The following CERS4 variants were observed in gnomAD, a reference collection of about 807,000 sequenced individuals.
The protein encoded by CERS4 is ceramide synthase 4.
In CERS4, 65 loss-of-function variants were observed where a neutral mutation model predicts 51.8. The ratio of observed to expected loss-of-function variants is 1.26; its 90% CI spans 1.03 to 1.54. The LOEUF is 1.54. Ranked by LOEUF, CERS4 falls within the 40% of genes most tolerant of loss-of-function variation. The pLI, the probability that CERS4 is intolerant of heterozygous loss-of-function variation, is 0.00. For synonymous variants in CERS4, 228 were observed against 208.4 expected, an observed-to-expected ratio of 1.09 and a Z score of -0.81; for missense variants, 563 against 500.4, an observed-to-expected ratio of 1.13 and a Z score of -1.19.
chr19:8,253,169 G>C (rs530453884), intron 3 of CERS4, among the ~76,000 whole-genome samples: 12 of 152,242 alleles, frequency 7.9e-5, no homozygotes, highest in African/African-American at 2.7e-4. Context: ...TGGTGTTGGC[G>C]CGCCCTCTTG....
At chr19:8,247,732 C>T (rs1200931279) in intron 2 of CERS4, among the ~76,000 whole-genome samples, 30 of 131,142 alleles carry the variant, frequency 2.3e-4, no homozygotes, top group Non-Finnish European at 3.5e-4. Context: ...ACCTCCGCAT[C>T]TTTTTTTTTT....
At chr19:8,232,889 ATT>A (rs34774744) in intron 2 of CERS4, among the ~76,000 whole-genome samples, 3,440 of 59,090 alleles carry the variant, frequency 0.058, 183 homozygotes, top group African/African-American at 0.18. Flanking sequence ...TGCCTCGCTG[ATT>A]TTTTTTTTTT....
At chr19:8,236,057 A>C (rs1464367367) in intron 2 of CERS4, among the ~76,000 whole-genome samples, 1 of 152,086 alleles carries the variant, frequency 6.6e-6, no homozygotes, top group African/African-American at 2.4e-5. Flanking sequence ...TTAGCTGGGC[A>C]TGGTGGCGGG....
chr19:8,235,210 T>G (rs1423647917), intron 2 of CERS4, among the ~76,000 whole-genome samples: 1 of 151,594 alleles, frequency 6.6e-6, no homozygotes, highest in East Asian at 2.0e-4. Context: ...GGTTTCACCA[T>G]GTTGGCCAAG....
At chr19:8,243,194 TAAAAA>T (rs56754017) in intron 2 of CERS4, among the ~76,000 whole-genome samples, 5 of 59,894 alleles carry the variant, frequency 8.3e-5, no homozygotes, top group Admixed American at 2.4e-4. Context: ...ACCCTGTCTC[TAAAAA>T]AAAAAAAAAA....
intron 10 of CERS4, chr19:8,261,377 T>G (rs1599605103): frequency 1.7e-5 from 6 of 347,750 alleles, no homozygotes; most frequent in South Asian, 4.2e-5. Flanking sequence ...GTGATGGGGG[T>G]CTGAGGAGTA....
Position 8,256,718 on chromosome 19 carries a change from C to T in CERS4, c.612+8C>T. The stretch of plus-strand genomic sequence containing the variant: ...TTTGATGTCAAGCGCAAGGTGAGGC[C>T]AAATAAGAGTCTGGAAGACCCAGTC... On this transcript the variant is annotated splice_region_variant and intron_variant, in intron 8 of 11. Coordinates refer to ENST00000251363, the MANE Select transcript of CERS4 (RefSeq NM_024552.3). The T allele has an allele frequency of 1.9e-6, 3 of 1,610,794 alleles. No individual in the cohort carries two copies. The highest frequency in any genetic ancestry group is 1.1e-5 in the South Asian group (1 of 90,602).
intron 3 of CERS4, 39 bp from the exon 4 acceptor site, chr19:8,254,460 T>A: frequency 6.3e-7 from 1 of 1,599,758 alleles, no homozygotes; most frequent in Non-Finnish European, 8.6e-7. Flanking sequence ...GTCCCATCTC[T>A]TCACCTGGGC....
At chr19:8,236,314 C>T (rs1272223078) in intron 2 of CERS4, among the ~76,000 whole-genome samples, 1 of 152,184 alleles carries the variant, frequency 6.6e-6, no homozygotes, top group Non-Finnish European at 1.5e-5. Context: ...CCTAACATGA[C>T]ATATGCGTTA....
At chr19:8,257,836 G>C (rs766939212) in intron 9 of CERS4, 43 bp from the exon 10 acceptor site, 1 of 1,505,842 alleles carries the variant, frequency 6.6e-7, no homozygotes, top group East Asian at 2.3e-5. Flanking sequence ...TTTGAGACCA[G>C]GGCCCTGGTC....
intron 10 of CERS4, among the ~76,000 whole-genome samples, chr19:8,260,531 A>AG (rs1029795792): frequency 5.4e-5 from 5 of 92,484 alleles, no homozygotes; most frequent in African/African-American, 2.7e-4. Flanking sequence ...AGGAGTTCCA[A>AG]GGAAAAAAAA....
At position 8,221,872 on chromosome 19, in the gene CERS4, G is replaced by GTTTTTTTTTTTTT. The variant is rs71165297; in HGVS notation, c.-2+11025_-2+11037dup. ...CTTACTGACTTATTTATTTTTTTAT[G>GTTTTTTTTTTTTT]TTTTTTTTTTTTTTTTTTTTTTTTT... On this transcript the variant is annotated intron_variant, in intron 2 of 11. Coordinates refer to ENST00000251363, the MANE Select transcript of CERS4 (RefSeq NM_024552.3). Among the ~76,000 whole-genome samples, 26 of 39,468 alleles carry GTTTTTTTTTTTTT rather than the reference G, an allele frequency of 6.6e-4. 9 individuals are homozygous for GTTTTTTTTTTTTT. Among genetic ancestry groups the GTTTTTTTTTTTTT allele is most frequent in the Non-Finnish European group, 9.0e-4 (19 of 21,060 alleles). The allele number at this position is 39,468 out of a possible 152,430, so 25.9% of individuals were successfully genotyped here. A position where few individuals can be genotyped will look rare whatever the true frequency, so the allele number is the denominator to read the frequency against.
At chr19:8,249,284 G>A (rs1968950566) in intron 2 of CERS4, among the ~76,000 whole-genome samples, 1 of 152,098 alleles carries the variant, frequency 6.6e-6, no homozygotes, top group Non-Finnish European at 1.5e-5. Context: ...TAGATGGACA[G>A]GGGGATGCGT....
chr19:8,247,442 T>G (rs1055802790), intron 2 of CERS4, among the ~76,000 whole-genome samples: 1 of 152,026 alleles, frequency 6.6e-6, no homozygotes, highest in Non-Finnish European at 1.5e-5. Context: ...TTTTTTCTCA[T>G]AGGGTCTTGC....
At chr19:8,241,893 G>T (rs552720263) in intron 2 of CERS4, among the ~76,000 whole-genome samples, 1 of 152,146 alleles carries the variant, frequency 6.6e-6, no homozygotes, top group Non-Finnish European at 1.5e-5. Context: ...GAAGACAGAG[G>T]ATGACAGGGA....
At chr19:8,261,595 G>A in intron 10 of CERS4, 93 bp from the exon 11 acceptor site, 1 of 1,453,476 alleles carries the variant, frequency 6.9e-7, no homozygotes. Flanking sequence ...GGTGGTTATG[G>A]AGCAGGGAAG....
chr19:8,261,090 T>C (rs185923873), intron 10 of CERS4: 1 of 153,482 alleles, frequency 6.5e-6, no homozygotes, highest in Non-Finnish European at 1.4e-5. Flanking sequence ...CTGGGGAACA[T>C]TCTTTCCAAC....
rs1443905726 is a variant in CERS4 at position 8,256,960 on chromosome 19, GCA to G, written c.625_626del (p.Gln209GlyfsTer34). 6.2e-7 allele frequency: 1 copy of G among 1,614,054 alleles called. No individual in the cohort carries two copies. Among genetic ancestry groups the G allele is most frequent in the Non-Finnish European group, 8.5e-7 (1 of 1,180,034 alleles). On this transcript the variant is annotated frameshift_variant, in exon 9 of 12. Coordinates refer to ENST00000251363, the MANE Select transcript of CERS4 (RefSeq NM_024552.3). LOFTEE classifies it high-confidence loss of function. ...ACCGTCTACTGCAGGATTTCAAGGAGCAGGTGATACACCACTTCGTGGCGGTC... is the reference window on the plus strand; with the variant it reads ...ACCGTCTACTGCAGGATTTCAAGGAGGGTGATACACCACTTCGTGGCGGTC... Reference protein sequence around the residue: ...FDVKRKDFKEQVIHHFVAVIL... With the variant: ...FDVKRKDFKEXVIHHFVAVIL...
chr19:8,257,162 A>G (rs1599594215), intron 9 of CERS4, 85 bp downstream of exon 9: 3 of 1,376,028 alleles, frequency 2.2e-6, no homozygotes, highest in African/African-American at 1.5e-5. Flanking sequence ...ATTCCTCCCA[A>G]CCTTCCTGGG....
Sources: allele counts gnomAD v4.1 joint callset (sites outside exome capture counted in the v4.1 genomes callset), GRCh38; gene constraint gnomAD v4.1.1; transcripts MANE v1.5; gene names NCBI Gene and HGNC (gene_info 2026-07-23, HGNC 2026-07-21).